Variants in DPYD observed in about 807,000 individuals in gnomAD.
DPYD encodes the protein dihydropyrimidine dehydrogenase [NADP(+)].
DPYD carries 109 observed loss-of-function variants against 116.2 expected under a neutral mutation model. The ratio of observed to expected loss-of-function variants is 0.94; its 90% CI spans 0.80 to 1.10. The LOEUF (loss-of-function observed/expected upper bound fraction) is 1.10. DPYD is among the 50% of genes least tolerant of loss of function. The pLI is 0.00. For synonymous variants in DPYD, 440 were observed against 432.0 expected (o/e 1.02, Z -0.23); for missense variants, 1,302 against 1,254.5 (o/e 1.04, Z -0.57).
intron 18 of DPYD, among the ~76,000 whole-genome samples, chr1:97,254,416 G>A (rs986287908): frequency 8.6e-5 from 13 of 151,862 alleles, no homozygotes; most frequent in African/African-American, 3.1e-4. Context: ...GTCAACTCTG[G>A]TCTTTGCTGA....
intron 16 of DPYD, among the ~76,000 whole-genome samples, chr1:97,331,283 A>G (rs1297919042): frequency 1.3e-5 from 2 of 152,070 alleles, no homozygotes; most frequent in Admixed American, 6.6e-5. Context: ...GAGCCAGCCT[A>G]CGTAACAAAG....
chr1:97,745,111 T>A (rs1019012598), intron 3 of DPYD, among the ~76,000 whole-genome samples: 1 of 152,092 alleles, frequency 6.6e-6, no homozygotes, highest in African/African-American at 2.4e-5. Context: ...TATGTACTTC[T>A]GACTCTGCTT....
chr1:97,196,648 T>C (rs1168566926), intron 19 of DPYD, among the ~76,000 whole-genome samples: 2 of 152,168 alleles, frequency 1.3e-5, no homozygotes, highest in Admixed American at 6.6e-5. Context: ...GTCCTCAAGA[T>C]AACCCTAAAA....
At chr1:97,708,512 T>A (rs1171736486) in intron 5 of DPYD, among the ~76,000 whole-genome samples, 5 of 152,102 alleles carry the variant, frequency 3.3e-5, no homozygotes, top group Non-Finnish European at 7.4e-5. Flanking sequence ...ATCTATTGTC[T>A]ATTATTTTAA....
At chr1:97,090,062 C>T (rs1649797078) in intron 21 of DPYD, among the ~76,000 whole-genome samples, 1 of 152,088 alleles carries the variant, frequency 6.6e-6, no homozygotes, top group Admixed American at 6.6e-5. Flanking sequence ...ATTATTGCTT[C>T]TCAGTTCTGT....
At chr1:97,814,229 GT>G (rs2101406081) in intron 3 of DPYD, among the ~76,000 whole-genome samples, 1 of 152,258 alleles carries the variant, frequency 6.6e-6, no homozygotes, top group Non-Finnish European at 1.5e-5. Flanking sequence ...TGGAAAGACG[GT>G]TGGTCAGAAG....
chr1:97,754,831 C>T (rs74108306), intron 3 of DPYD, among the ~76,000 whole-genome samples: 2,804 of 152,214 alleles, frequency 0.018, 93 homozygotes, highest in African/African-American at 0.065. Context: ...AACCCTAGTT[C>T]AGAGGTACAT....
intron 8 of DPYD, among the ~76,000 whole-genome samples, chr1:97,634,836 T>G (rs1017215803): frequency 9.2e-5 from 14 of 151,514 alleles, no homozygotes; most frequent in African/African-American, 3.4e-4. Context: ...ATAGTAAAAC[T>G]GACAATATCA....
intron 20 of DPYD, among the ~76,000 whole-genome samples, chr1:97,154,737 G>A (rs1435391862): frequency 6.6e-6 from 1 of 151,700 alleles, no homozygotes; most frequent in Non-Finnish European, 1.5e-5. Context: ...GATATAATGT[G>A]GGCTTAGGGG....
At chr1:97,523,354 TG>T (rs1174991311) in intron 12 of DPYD, among the ~76,000 whole-genome samples, 1 of 152,156 alleles carries the variant, frequency 6.6e-6, no homozygotes, top group Non-Finnish European at 1.5e-5. Context: ...TTAGAATTTT[TG>T]GGGGGAGACT....
At chr1:97,387,602 T>C (rs1390231250) in intron 14 of DPYD, among the ~76,000 whole-genome samples, 1 of 151,966 alleles carries the variant, frequency 6.6e-6, no homozygotes, top group Non-Finnish European at 1.5e-5. Context: ...CCAGAATACA[T>C]AAATGCATGT....
chr1:97,480,351 A>G (rs1678230177), intron 13 of DPYD, among the ~76,000 whole-genome samples: 1 of 152,192 alleles, frequency 6.6e-6, no homozygotes, highest in Non-Finnish European at 1.5e-5. Flanking sequence ...TGACCGATGG[A>G]AACTGACAGA....
intron 14 of DPYD, among the ~76,000 whole-genome samples, chr1:97,395,828 C>T (rs925948195): frequency 2.6e-5 from 4 of 151,932 alleles, no homozygotes; most frequent in African/African-American, 4.8e-5. Context: ...CCTACCAAGA[C>T]GACAAGCCAG....
At chr1:97,484,584 C>A (rs1034345489) in intron 13 of DPYD, among the ~76,000 whole-genome samples, 1 of 152,138 alleles carries the variant, frequency 6.6e-6, no homozygotes, top group Non-Finnish European at 1.5e-5. Flanking sequence ...ATTCCCTCCT[C>A]TTTATTCGCT....
At chr1:97,621,536 TAA>T (rs1317932075) in intron 8 of DPYD, among the ~76,000 whole-genome samples, 2 of 151,450 alleles carry the variant, frequency 1.3e-5, no homozygotes, top group Admixed American at 6.6e-5. Flanking sequence ...ATAAATAATA[TAA>T]GTCTAATTTT....
At chr1:97,509,557 T>A (rs1013781092) in intron 13 of DPYD, among the ~76,000 whole-genome samples, 3 of 152,012 alleles carry the variant, frequency 2.0e-5, no homozygotes, top group Middle Eastern at 3.4e-3. Flanking sequence ...TCTACCCAAG[T>A]GTGATAAGGT....
chr1:97,292,364 C>G (rs1197352836), intron 18 of DPYD, among the ~76,000 whole-genome samples: 5 of 152,108 alleles, frequency 3.3e-5, no homozygotes, highest in Non-Finnish European at 7.3e-5. Flanking sequence ...GAACGGGAAG[C>G]AAACATGTCC....
intron 16 of DPYD, among the ~76,000 whole-genome samples, chr1:97,344,776 A>G (rs1220483105): frequency 1.3e-5 from 2 of 151,936 alleles, no homozygotes; most frequent in African/African-American, 4.8e-5. Flanking sequence ...GTGTTATTAA[A>G]AATGGTGCTA....
Position 97,692,426 on chromosome 1 carries a change from A to T in DPYD, c.681-628T>A, listed in dbSNP as rs918298654. ...ATATTAATGCCTATTGCCTGCATTT[A>T]AAAAAAAAATGAGGCCTATGGCACT... On this transcript the variant is annotated intron_variant, in intron 6 of 22. Coordinates refer to ENST00000370192, the MANE Select transcript of DPYD (RefSeq NM_000110.4). Among the ~76,000 whole-genome samples the T allele has an allele frequency of 2.7e-5, 4 of 149,408 alleles. No homozygotes were observed. The East Asian group carries it at 5.8e-4, about 22-fold the overall frequency.
Sources: gnomAD v4.1 joint callset for allele counts (sites outside exome capture counted in the v4.1 genomes callset) on GRCh38, gnomAD v4.1.1 for gene constraint, MANE v1.5 for transcripts, NCBI Gene and HGNC (gene_info 2026-07-23, HGNC 2026-07-21) for gene names.